PPP2R5A: variants seen among roughly 807,000 people sequenced by gnomAD.
PPP2R5A encodes serine/threonine-protein phosphatase 2A 56 kDa regulatory subunit alpha isoform.
PPP2R5A carries 25 observed loss-of-function variants against 64.2 expected under a neutral mutation model. The ratio of observed to expected loss-of-function variants is 0.39; its 90% confidence interval spans 0.28 to 0.54. The LOEUF is 0.54. PPP2R5A is among the 20% of genes least tolerant of loss of function. The pLI, the probability that PPP2R5A is intolerant of heterozygous loss-of-function variation, is 0.67. For missense variants in PPP2R5A, 425 were observed against 576.3 expected (o/e 0.74, Z 2.69); for synonymous variants, 198 against 201.2 (o/e 0.98, Z 0.13).
In PPP2R5A at chr1:212,285,904, C is replaced by G. The variant is rs1413308055; in HGVS notation, c.-207C>G. 6 of 442,176 alleles carry G rather than the reference C, an allele frequency of 1.4e-5. No homozygotes were observed. The East Asian group carries it at 1.5e-4, about 11-fold the overall frequency. 27.4% of individuals were successfully genotyped at this position (442,176 alleles called of 1,614,324 possible). ...CGGGAGCTCGCCGCGCGCCGGGGACCAGGAACCTCCAGCGCTGAGATGTGG... is the reference window on the plus strand; with the variant it reads ...CGGGAGCTCGCCGCGCGCCGGGGACGAGGAACCTCCAGCGCTGAGATGTGG... On this transcript the variant is annotated 5_prime_UTR_variant, in exon 1 of 13. Coordinates refer to ENST00000261461, the MANE Select transcript of PPP2R5A (RefSeq NM_006243.4).
At chr1:212,327,791 CAG>C (rs749658217) in intron 1 of PPP2R5A, among the ~76,000 whole-genome samples, 35 of 151,852 alleles carry the variant, frequency 2.3e-4, no homozygotes, top group Admixed American at 6.6e-4. Flanking sequence ...GAGAGAAAGA[CAG>C]AGATAATTAG....
intron 1 of PPP2R5A, among the ~76,000 whole-genome samples, chr1:212,314,761 C>T (rs749002805): frequency 6.6e-6 from 1 of 151,762 alleles, no homozygotes; most frequent in Non-Finnish European, 1.5e-5. Flanking sequence ...TGAGGTTTCA[C>T]CATATTGGCC....
intron 8 of PPP2R5A, among the ~76,000 whole-genome samples, chr1:212,352,454 GT>G (rs34512493): frequency 0.041 from 5,842 of 142,444 alleles, 476 homozygotes; most frequent in East Asian, 0.37. Flanking sequence ...TGTGTTTTGG[GT>G]TTTTTTTTTT....
intron 8 of PPP2R5A, 24 bp from the exon 9 acceptor site, chr1:212,356,602 T>C (rs2102450443): frequency 6.2e-7 from 1 of 1,605,324 alleles, no homozygotes; most frequent in East Asian, 2.2e-5. Context: ...ATTAAATTCA[T>C]GCTAAACTTT....
Position 212,357,146 on chromosome 1 carries a change from T to C in PPP2R5A, c.1099-11T>C. 3.2e-6 allele frequency: 5 copies of C among 1,579,902 alleles called. No homozygotes were observed. The highest frequency in any genetic ancestry group is 4.3e-6 in the Non-Finnish European group (5 of 1,165,740). On this transcript the variant is annotated splice_polypyrimidine_tract_variant and intron_variant, in intron 10 of 12. Transcript: ENST00000261461. ...TTTAGTTTTGACATTTCTCTAAATGTCTTTTTTTAGGTTGCAGAAAGGGCA... is the reference window on the plus strand; with the variant it reads ...TTTAGTTTTGACATTTCTCTAAATGCCTTTTTTTAGGTTGCAGAAAGGGCA...
rs1399657182 is a variant in PPP2R5A at position 212,286,252 on chromosome 1, G to A, written c.142G>A (p.Gly48Ser). Residue 48 changes from glycine to serine, a missense_variant, in exon 1 of 13, where the codon GGC becomes AGC. Around this residue, in one of 4 missense-constraint regions of PPP2R5A, gnomAD observed 104 missense variants for 95.7 expected, o/e 1.09. Transcript: ENST00000261461. ...GGGCTCGTCGCAGTTTCGCAGCCAG[G>A]GCAGCCAGGCAGAGCTGCACCCGCT... ...SQGSSQFRSQ[G>S]SQAELHPLPQ... 6.5e-7 allele frequency: 1 copy of A among 1,545,280 alleles called. No individual in the cohort carries two copies. The highest frequency in any genetic ancestry group is 1.9e-5 in the Admixed American group (1 of 51,906).
Position 212,329,435 on chromosome 1 carries a change from T to A in PPP2R5A, c.378+104T>A. On this transcript the variant is annotated intron_variant, in intron 2 of 12. Transcript: ENST00000261461. ...AAATAAATGTACAATAATTAATACA[T>A]CCCCCAAATTTTAGAAAATAGTTCA... 8 of 1,012,404 alleles carry A rather than the reference T, an allele frequency of 7.9e-6. No homozygotes were observed. In the South Asian group the frequency reaches 1.6e-4, roughly 20 times the overall value. 62.7% of individuals were successfully genotyped at this position (1,012,404 alleles called of 1,614,324 possible).
chr1:212,351,179 G>A (rs574584329), intron 8 of PPP2R5A, among the ~76,000 whole-genome samples: 15 of 152,020 alleles, frequency 9.9e-5, no homozygotes, highest in African/African-American at 3.4e-4. Flanking sequence ...CTTTTATCTG[G>A]TTTGGCTGAG....
intron 1 of PPP2R5A, chr1:212,297,549 T>G (rs1259287339): frequency 6.6e-6 from 1 of 152,234 alleles, no homozygotes; most frequent in Admixed American, 6.5e-5. Context: ...GCCTAGAGCC[T>G]GTAGTCTTTA....
At chr1:212,354,710 AAGAGAGAGAAATGTTGAGAGAGAGAGAG>A (rs954562783) in intron 8 of PPP2R5A, among the ~76,000 whole-genome samples, 11 of 132,170 alleles carry the variant, frequency 8.3e-5, no homozygotes, top group African/African-American at 1.5e-4. Context: ...CCTCATCAAA[AAGAGAGAGAAATGTTGAGAGAGAGAGAG>A]AGAGAGAGAA....
intron 1 of PPP2R5A, among the ~76,000 whole-genome samples, chr1:212,321,926 C>T (rs1343191120): frequency 6.6e-6 from 1 of 151,882 alleles, no homozygotes; most frequent in Non-Finnish European, 1.5e-5. Flanking sequence ...GCGACTCCGT[C>T]TGCCATCCCG....
At chr1:212,317,652 C>G (rs1257902771) in intron 1 of PPP2R5A, among the ~76,000 whole-genome samples, 3 of 152,092 alleles carry the variant, frequency 2.0e-5, no homozygotes, top group Non-Finnish European at 4.4e-5. Context: ...GGCGTGCAAC[C>G]TACACTTTGA....
At chr1:212,315,878 C>T (rs1374910496) in intron 1 of PPP2R5A, among the ~76,000 whole-genome samples, 1 of 152,098 alleles carries the variant, frequency 6.6e-6, no homozygotes, top group Non-Finnish European at 1.5e-5. Flanking sequence ...GAGATTCTCT[C>T]AATATATATC....
At chr1:212,331,318 G>GC (rs1659500925) in intron 2 of PPP2R5A, 1 of 150,348 alleles carries the variant, frequency 6.7e-6, no homozygotes. Flanking sequence ...ACACCACCAT[G>GC]CCCGATTAAT....
intron 1 of PPP2R5A, among the ~76,000 whole-genome samples, chr1:212,289,439 A>G (rs1658563228): frequency 1.3e-5 from 2 of 152,194 alleles, no homozygotes; most frequent in South Asian, 4.1e-4. Context: ...CCTAAAAAGA[A>G]TAGTTTCTGG....
intron 8 of PPP2R5A, among the ~76,000 whole-genome samples, chr1:212,354,676 T>C (rs1336308108): frequency 2.7e-5 from 4 of 150,458 alleles, no homozygotes; most frequent in Non-Finnish European, 5.9e-5. Context: ...GTCACTACAC[T>C]CCAGCCTAGG....
rs1425904726 is a variant in PPP2R5A at position 212,361,590 on chromosome 1, AGTCCCACAGTGTG to A, written c.*823_*835del. 6.5e-6 allele frequency: 1 copy of A among 152,684 alleles called. No individual in the cohort carries two copies. Among genetic ancestry groups the A allele is most frequent in the Admixed American group, 6.5e-5 (1 of 15,282 alleles). The allele number at this position is 152,684 out of a possible 1,614,324, so 9.5% of individuals were successfully genotyped here. A position where few individuals can be genotyped will look rare whatever the true frequency, so the allele number is the denominator to read the frequency against. ...TCCTGACCCAGGGATGGAGGCTTTG[AGTCCCACAGTGTG>A]GTGATACAGAGCACTAGTTGTCACT... On this transcript the variant is annotated 3_prime_UTR_variant, in exon 13 of 13. Coordinates refer to ENST00000261461, the MANE Select transcript of PPP2R5A (RefSeq NM_006243.4).
At chr1:212,301,885 A>G in intron 1 of PPP2R5A, 1 of 1,319,216 alleles carries the variant, frequency 7.6e-7, no homozygotes, top group Non-Finnish European at 9.7e-7. Context: ...TGTTAGCAGC[A>G]GTAATTAGGG....
At chr1:212,342,330 T>G (rs757765765) in intron 4 of PPP2R5A, 50 bp downstream of exon 4, 7 of 1,572,804 alleles carry the variant, frequency 4.5e-6, no homozygotes, top group Admixed American at 1.9e-5. Context: ...TTAGCAATGA[T>G]TTATTAACTT....
Sources: allele counts gnomAD v4.1 joint callset (sites outside exome capture counted in the v4.1 genomes callset), GRCh38; gene constraint gnomAD v4.1.1; regional missense constraint gnomAD v4.1.1; transcripts MANE v1.5; gene names NCBI Gene and HGNC (gene_info 2026-07-23, HGNC 2026-07-21).